NBAS: variants seen among roughly 807,000 people sequenced by gnomAD.
NBAS encodes the protein NBAS subunit of NRZ tethering complex.
NBAS carries 219 observed loss-of-function variants against 302.5 expected under a neutral mutation model. That is an observed-to-expected ratio of 0.72 (90% confidence interval 0.65 to 0.81). The LOEUF (loss-of-function observed/expected upper bound fraction) is 0.81. Ranked by LOEUF, NBAS falls within the 30% of genes least tolerant of loss-of-function variation. The probability of loss-of-function intolerance (pLI) is 0.00; values close to 1 mark genes in which losing one functional copy is unlikely to be tolerated. For synonymous variants in NBAS, 1,118 were observed against 1,021.6 expected (o/e 1.09, Z -1.80); for missense variants, 2,932 against 2,841.6 (o/e 1.03, Z -0.72).
chr2:14,919,668 T>G, the NBAS span, among the ~76,000 whole-genome samples: 1 of 152,200 alleles, frequency 6.6e-6, no homozygotes, highest in Non-Finnish European at 1.5e-5. Context: ...TCCTTTCTAG[T>G]CATTTCAACA....
chr2:15,169,616 T>TGGCCTAGAAGCCCGTGTCTC (rs1664202264), intron 51 of NBAS, among the ~76,000 whole-genome samples: 3 of 152,086 alleles, frequency 2.0e-5, no homozygotes, highest in Admixed American at 2.0e-4. Flanking sequence ...CATGGTGGAG[T>TGGCCTAGAAGCCCGTGTCTC]GGCCTAGAAG....
At chr2:14,878,863 A>G in the NBAS span, among the ~76,000 whole-genome samples, 1 of 152,150 alleles carries the variant, frequency 6.6e-6, no homozygotes, top group Admixed American at 6.6e-5. Flanking sequence ...TGTACATGCT[A>G]TGGGTTTAGA....
At chr2:15,002,850 C>A in the NBAS span, among the ~76,000 whole-genome samples, 1 of 152,196 alleles carries the variant, frequency 6.6e-6, no homozygotes, top group Admixed American at 6.5e-5. Context: ...GCCAAGCCCA[C>A]GCCCACCCGG....
At chr2:15,117,133 G>A in the NBAS span, among the ~76,000 whole-genome samples, 1 of 152,068 alleles carries the variant, frequency 6.6e-6, no homozygotes, top group African/African-American at 2.4e-5. Context: ...GACATACCTG[G>A]CAGAGGAAAG....
chr2:15,380,579 GAGAC>G (rs1674986478), intron 29 of NBAS, among the ~76,000 whole-genome samples: 1 of 90,186 alleles, frequency 1.1e-5, no homozygotes, highest in Non-Finnish European at 2.7e-5. Flanking sequence ...AATAAAACAA[GAGAC>G]ACTGAAGGTA....
At chr2:15,405,038 T>C (rs1327606416) in intron 25 of NBAS, among the ~76,000 whole-genome samples, 1 of 152,184 alleles carries the variant, frequency 6.6e-6, no homozygotes, top group Non-Finnish European at 1.5e-5. Flanking sequence ...CTAAACATGA[T>C]ATTAACCAGA....
At chr2:15,403,870 TGTG>T (rs1200496822) in intron 25 of NBAS, among the ~76,000 whole-genome samples, 6 of 145,940 alleles carry the variant, frequency 4.1e-5, no homozygotes, top group Admixed American at 2.1e-4. Context: ...CCTTCGTGTG[TGTG>T]TGTGTGTGTG....
downstream of NBAS, among the ~76,000 whole-genome samples, chr2:15,163,797 CTTT>C (rs34305039): frequency 4.2e-5 from 6 of 143,362 alleles, no homozygotes; most frequent in East Asian, 6.1e-4. Context: ...AGTATTACAA[CTTT>C]TTTTTTTTTT....
chr2:14,991,944 G>A, the NBAS span, among the ~76,000 whole-genome samples: 7 of 152,294 alleles, frequency 4.6e-5, no homozygotes, highest in East Asian at 1.2e-3. Flanking sequence ...GGGCATGCCG[G>A]TGCACAGCGC....
At chr2:15,560,492 A>G (rs1049655411) in intron 1 of NBAS, among the ~76,000 whole-genome samples, 1 of 151,994 alleles carries the variant, frequency 6.6e-6, no homozygotes, top group African/African-American at 2.4e-5. Context: ...GTTATGAAAA[A>G]CGTTTACGGG....
At chr2:15,238,391 G>T in intron 45 of NBAS, 77 bp downstream of exon 45, 2 of 1,435,608 alleles carry the variant, frequency 1.4e-6, no homozygotes, top group South Asian at 1.2e-5. Context: ...CTGTCAAAAC[G>T]ACTAATGTAA....
chr2:15,254,725 G>A (rs1668514123), intron 44 of NBAS, among the ~76,000 whole-genome samples: 2 of 152,080 alleles, frequency 1.3e-5, no homozygotes, highest in Non-Finnish European at 2.9e-5. Context: ...TCCCCAAAGT[G>A]TATTATGTCA....
the NBAS span, among the ~76,000 whole-genome samples, chr2:14,993,435 T>C: frequency 6.6e-6 from 1 of 152,234 alleles, no homozygotes; most frequent in Non-Finnish European, 1.5e-5. Context: ...CAAACCTCTC[T>C]TCTTTGCTGA....
intron 21 of NBAS, among the ~76,000 whole-genome samples, chr2:15,452,594 A>C (rs1310960691): frequency 6.6e-6 from 1 of 152,040 alleles, no homozygotes; most frequent in African/African-American, 2.4e-5. Context: ...TCTCAAAAAA[A>C]AAAAAAAAAA....
Position 15,402,185 on chromosome 2 carries a change from C to A in NBAS, c.3054G>T (p.Leu1018=). ...ATTCTTACCCATATCCTCTTTCTGG[C>A]AGACATTCTAGTAGGTCATAGCAAA... is the stretch of plus-strand genomic sequence containing the variant. ...LCLCYDLLEC[L]PERGYGDKTE... Residue 1018 remains leucine (L), a synonymous_variant, in exon 26 of 52, where the codon CTG becomes CTT. Coordinates refer to ENST00000281513, the MANE Select transcript of NBAS (RefSeq NM_015909.4). 2 of 1,613,494 alleles carry A rather than the reference C, an allele frequency of 1.2e-6. No homozygotes were observed. Among genetic ancestry groups the A allele is most frequent in the East Asian group, 2.2e-5 (1 of 44,784 alleles).
chr2:15,354,734 T>C (rs1220099807), intron 33 of NBAS, among the ~76,000 whole-genome samples: 1 of 152,226 alleles, frequency 6.6e-6, no homozygotes, highest in Non-Finnish European at 1.5e-5. Flanking sequence ...CTGAGCCCTC[T>C]TCTCAGCTAG....
chr2:15,245,905 G>C (rs1278946832), intron 44 of NBAS, among the ~76,000 whole-genome samples: 3 of 152,170 alleles, frequency 2.0e-5, no homozygotes, highest in Non-Finnish European at 4.4e-5. Context: ...AGATGTAAAA[G>C]CCAATCTTAG....
chr2:15,349,493 G>C (rs1431346642), intron 35 of NBAS, among the ~76,000 whole-genome samples: 5 of 152,182 alleles, frequency 3.3e-5, no homozygotes, highest in African/African-American at 1.2e-4. Context: ...TGCTATGGCT[G>C]CCATCTGAAG....
At chr2:15,478,093 ACTCTATGAAAT>A in intron 13 of NBAS, 122 bp downstream of exon 13, 1 of 539,954 alleles carries the variant, frequency 1.9e-6, no homozygotes, top group Non-Finnish European at 3.2e-6. Context: ...CCTTGACCCA[ACTCTATGAAAT>A]CTTGATGTTT....
Sources: gnomAD v4.1 joint callset for allele counts (sites outside exome capture counted in the v4.1 genomes callset) on GRCh38, gnomAD v4.1.1 for gene constraint, MANE v1.5 for transcripts, NCBI Gene and HGNC (gene_info 2026-07-23, HGNC 2026-07-21) for gene names.